The following DNM1L variants were observed in gnomAD, a reference collection of about 807,000 sequenced individuals.
The protein encoded by DNM1L is dynamin 1L.
A neutral mutation model predicts 92.8 loss-of-function variants in DNM1L; 33 were observed. The observed-to-expected ratio is 0.36, with a 90% confidence interval of 0.27 to 0.48. DNM1L has a LOEUF of 0.48. Among genes scored for constraint, DNM1L ranks in the 20% least tolerant of loss-of-function variants. The probability of loss-of-function intolerance (pLI) is 0.99; values close to 1 mark genes in which losing one functional copy is unlikely to be tolerated. For missense variants in DNM1L, 485 were observed against 888.8 expected, an observed-to-expected ratio of 0.55 and a Z score of 5.78; for synonymous variants, 284 against 305.0, an observed-to-expected ratio of 0.93 and a Z score of 0.72.
Position 32,727,558 on chromosome 12 carries a change from C to T in DNM1L, c.1080-3456C>T, listed in dbSNP as rs149886144. 182 of 538,054 alleles carry T rather than the reference C, an allele frequency of 3.4e-4. 1 individual carries two copies. The highest frequency in any genetic ancestry group is 3.2e-3 in the African/African-American group (169 of 53,062). 33.3% of individuals were successfully genotyped at this position (538,054 alleles called of 1,614,324 possible). A position where few individuals can be genotyped will look rare whatever the true frequency, so the allele number is the denominator to read the frequency against. On this transcript the variant is annotated intron_variant, in intron 9 of 19. Transcript: ENST00000549701. ...AAAAAACCACTCTTAATTTCACCAA[C>T]CTGAGATAATTCCTAAAATTTGGCA...
chr12:32,726,124 T>TAA (rs59433027), intron 9 of DNM1L, among the ~76,000 whole-genome samples: 28,244 of 152,030 alleles, frequency 0.19, 3,104 homozygotes, highest in African/African-American at 0.32. Flanking sequence ...AAGAGCTATA[T>TAA]AAATATTCCA....
intron 16 of DNM1L, 51 bp from the exon 17 acceptor site, chr12:32,740,013 G>C: frequency 6.2e-7 from 1 of 1,602,356 alleles, no homozygotes; most frequent in Non-Finnish European, 8.5e-7. Context: ...CTTTGTTTTA[G>C]TTAAGGTCAG....
At position 32,717,986 on chromosome 12, in the gene DNM1L, G is replaced by GTATATATATTATATATAGTATATA. The variant is rs1565519250; in HGVS notation, c.620-654_620-653insATATATTATATATAGTATATATAT. Among the ~76,000 whole-genome samples the GTATATATATTATATATAGTATATA allele has an allele frequency of 8.8e-5, 7 of 79,688 alleles. No homozygotes were observed. In the East Asian group the frequency reaches 1.4e-3, roughly 16 times the overall value. 52.3% of individuals were successfully genotyped at this position (79,688 alleles called of 152,430 possible). A position where few individuals can be genotyped will look rare whatever the true frequency, so the allele number is the denominator to read the frequency against. Reference sequence around the variant, plus strand: ...ATATATATTATATATAGTATATATAGTATGTATAGTATATATAATATATAT... The same window carrying GTATATATATTATATATAGTATATA: ...ATATATATTATATATAGTATATATAGTATATATATTATATATAGTATATATATGTATAGTATATATAATATATAT... On this transcript the variant is annotated intron_variant, in intron 6 of 19. Transcript: ENST00000549701.
At position 32,740,537 on chromosome 12, in the gene DNM1L, A is replaced by G; in HGVS notation, c.1994+19A>G. 1 of 1,579,890 alleles carries G rather than the reference A, an allele frequency of 6.3e-7. No individual in the cohort carries two copies. The highest frequency in any genetic ancestry group is 8.7e-7 in the Non-Finnish European group (1 of 1,151,534). On this transcript the variant is annotated intron_variant, in intron 18 of 19. Transcript: ENST00000549701. The stretch of plus-strand genomic sequence containing the variant: ...AAGACAGGTTAGTATTACTTAATAT[A>G]AATGACGGACTTTAATACTTCTGGA...
chr12:32,681,046 T>C (rs776669894), intron 1 of DNM1L, among the ~76,000 whole-genome samples: 3 of 152,166 alleles, frequency 2.0e-5, no homozygotes, highest in Non-Finnish European at 2.9e-5. Context: ...TTACACAAAA[T>C]AGAGTTTATT....
At chr12:32,740,656 T>A in intron 18 of DNM1L, 138 bp downstream of exon 18, 1 of 759,350 alleles carries the variant, frequency 1.3e-6, no homozygotes, top group Non-Finnish European at 2.1e-6. Flanking sequence ...AGTCCTTGGG[T>A]AACTTGTAGC....
Position 32,744,880 on chromosome 12 carries a change from G to GTACT in DNM1L, c.*1473_*1476dup, listed in dbSNP as rs769397605. The GTACT allele has an allele frequency of 2.4e-5, 12 of 505,294 alleles. No homozygotes were observed. The highest frequency in any genetic ancestry group is 3.9e-5 in the Non-Finnish European group (10 of 254,156). 31.3% of individuals were successfully genotyped at this position (505,294 alleles called of 1,614,324 possible). A position where few individuals can be genotyped will look rare whatever the true frequency, so the allele number is the denominator to read the frequency against. On this transcript the variant is annotated 3_prime_UTR_variant, in exon 20 of 20. Transcript: ENST00000549701. Reference sequence around the variant, plus strand: ...ACGACTATATTATAAATTTTAAGATGTACTTAGAAATCCTTAAGACATCTA... The same window carrying GTACT: ...ACGACTATATTATAAATTTTAAGATGTACTTACTTAGAAATCCTTAAGACATCTA...
intron 16 of DNM1L, among the ~76,000 whole-genome samples, chr12:32,738,579 G>A (rs932314278): frequency 2.0e-5 from 3 of 152,262 alleles, no homozygotes; most frequent in African/African-American, 7.2e-5. Flanking sequence ...AGATGGAATT[G>A]TATTTTTGGA....
At chr12:32,697,437 ATG>A (rs906012390) in intron 1 of DNM1L, among the ~76,000 whole-genome samples, 12 of 152,192 alleles carry the variant, frequency 7.9e-5, no homozygotes, top group African/African-American at 2.9e-4. Flanking sequence ...GGGAAGGAGA[ATG>A]GAGGGATTAT....
chr12:32,731,495 G>C lies in DNM1L; in HGVS notation c.1340G>C (p.Ser447Thr), dbSNP rs756107898. The change falls in exon 11 of 20, where the codon AGC becomes ACC. Residue 447 changes from serine to threonine, a missense_variant. Transcript: ENST00000549701. This position sits in a 1 kb window ranked among gnomAD's most constrained non-coding sequence, Gnocchi z 5.1. ...ATGCAAAGGATCATTCAGCACTGTA[G>C]CAATTACAGTACACAGGTAACGGAG... ...EEMQRIIQHCSNYSTQELLRF... is the reference protein window; with the variant it reads ...EEMQRIIQHCTNYSTQELLRF... 3 of 1,614,090 alleles carry C rather than the reference G, an allele frequency of 1.9e-6. No homozygotes were observed. In the Admixed American group the frequency reaches 5.0e-5, roughly 27 times the overall value.
rs746339501 is a variant in DNM1L, at chr12:32,731,952, C to G, written c.1446+9C>G. 1 of 1,600,450 alleles carries G rather than the reference C, an allele frequency of 6.2e-7. No individual in the cohort carries two copies. On this transcript the variant is annotated intron_variant, in intron 12 of 19. Coordinates refer to ENST00000549701, the MANE Select transcript of DNM1L (RefSeq NM_012062.5). The surrounding 1 kb of genome is among the most constrained non-coding windows in gnomAD (Gnocchi z 5.1). Reference sequence around the variant, plus strand: ...CTGTTACAAATGAAATGGTGAGCTACTATAGCATAGATCATTGTAATTACT... The same window carrying G: ...CTGTTACAAATGAAATGGTGAGCTAGTATAGCATAGATCATTGTAATTACT...
At chr12:32,719,314 T>C (rs1187253555) in intron 7 of DNM1L, among the ~76,000 whole-genome samples, 6 of 152,186 alleles carry the variant, frequency 3.9e-5, no homozygotes, top group Admixed American at 3.3e-4. Context: ...AGAAATGTTG[T>C]AATAGCCAGG....
rs562318344 is a variant in DNM1L, at chr12:32,731,550, A to G, written c.1356+39A>G. 18 of 1,611,600 alleles carry G rather than the reference A, an allele frequency of 1.1e-5. No individual in the cohort carries two copies. In the East Asian group the frequency reaches 4.0e-4, roughly 36 times the overall value. ...ATGTAACAGGTTTCACATGAACTAGAAAAGGACATGAAGTGGTGGTTTCAC... is the reference window on the plus strand; with the variant it reads ...ATGTAACAGGTTTCACATGAACTAGGAAAGGACATGAAGTGGTGGTTTCAC... On this transcript the variant is annotated intron_variant, in intron 11 of 19. Transcript: ENST00000549701. This position sits in a 1 kb window ranked among gnomAD's most constrained non-coding sequence, Gnocchi z 5.1.
intron 13 of DNM1L, 70 bp downstream of exon 13, chr12:32,733,877 T>C (rs1442632658): frequency 2.2e-6 from 3 of 1,339,256 alleles, no homozygotes; most frequent in African/African-American, 2.9e-5. Flanking sequence ...ATCAAACTTA[T>C]TTAGCATGGA....
Position 32,744,759 on chromosome 12 carries a change from T to C in DNM1L, c.*1349T>C. 2.4e-6 allele frequency: 1 copy of C among 413,688 alleles called. No homozygotes were observed. Among genetic ancestry groups the C allele is most frequent in the Non-Finnish European group, 4.7e-6 (1 of 213,654 alleles). The allele number at this position is 413,688 out of a possible 1,614,324, so 25.6% of individuals were successfully genotyped here. On this transcript the variant is annotated 3_prime_UTR_variant, in exon 20 of 20. Coordinates refer to ENST00000549701, the MANE Select transcript of DNM1L (RefSeq NM_012062.5). ...CACCCAGATAGATACACATACTCCT[T>C]CAGACTTACAGACCTAAGCTGCATT...
intron 1 of DNM1L, among the ~76,000 whole-genome samples, chr12:32,682,007 T>A (rs1951824951): frequency 1.3e-5 from 2 of 152,058 alleles, no homozygotes; most frequent in South Asian, 4.2e-4. Flanking sequence ...CAAAAAAAAA[T>A]TAAAAAACAA....
At chr12:32,719,160 A>G (rs899644615) in intron 7 of DNM1L, among the ~76,000 whole-genome samples, 4 of 152,124 alleles carry the variant, frequency 2.6e-5, no homozygotes, top group African/African-American at 4.8e-5. Context: ...CATGTTGCCC[A>G]GGCTTGTCTC....
At chr12:32,729,332 C>T (rs1403376627) in intron 9 of DNM1L, among the ~76,000 whole-genome samples, 2 of 146,618 alleles carry the variant, frequency 1.4e-5, no homozygotes, top group African/African-American at 5.1e-5. Context: ...CCGCCTGCCT[C>T]GGCCTCCCAA....
intron 9 of DNM1L, 53 bp downstream of exon 9, chr12:32,722,686 T>G: frequency 7.1e-7 from 1 of 1,404,552 alleles, no homozygotes; most frequent in Admixed American, 1.7e-5. Flanking sequence ...TAGGTCACTT[T>G]TCCTTTTGTG....
Sources: allele counts gnomAD v4.1 joint callset (sites outside exome capture counted in the v4.1 genomes callset), GRCh38; gene constraint gnomAD v4.1.1; non-coding constraint Gnocchi (gnomAD v3.1); transcripts MANE v1.5; gene names NCBI Gene and HGNC (gene_info 2026-07-23, HGNC 2026-07-21).